KIRREL3: variants seen among roughly 807,000 people sequenced by gnomAD.
KIRREL3 encodes the protein kirre like nephrin family adhesion molecule 3.
Under a neutral mutation model 89.7 loss-of-function variants are expected in KIRREL3, and 36 were observed. The ratio of observed to expected loss-of-function variants is 0.40; its 90% CI spans 0.31 to 0.53. KIRREL3 has a LOEUF of 0.53. Ranked by LOEUF, KIRREL3 falls within the 20% of genes least tolerant of loss-of-function variation. The pLI is 0.49. For missense variants in KIRREL3, 864 were observed against 1,056.6 expected, an observed-to-expected ratio of 0.82 and a Z score of 2.53; for synonymous variants, 445 against 441.4, an observed-to-expected ratio of 1.01 and a Z score of -0.10.
intron 1 of KIRREL3, among the ~76,000 whole-genome samples, chr11:126,853,689 G>T (rs1944413260): frequency 6.6e-6 from 1 of 151,768 alleles, no homozygotes; most frequent in Non-Finnish European, 1.5e-5. Context: ...CTTTTATGGA[G>T]TTATAACAAT....
rs753835533 is a variant in KIRREL3 at position 126,611,849 on chromosome 11, A to C, written c.56-48937T>G. On this transcript the variant is annotated intron_variant, in intron 1 of 16. Transcript: ENST00000525144. This position sits in a 1 kb window ranked among gnomAD's most constrained non-coding sequence, Gnocchi z 4.7. The stretch of plus-strand genomic sequence containing the variant: ...TGGACCCATCAGGCTGGAACACCAG[A>C]TTCTTAATCAACTGTAGGTGCTACT... Among the ~76,000 whole-genome samples, 1 of 152,200 alleles carries C rather than the reference A, an allele frequency of 6.6e-6. No individual in the cohort carries two copies. The highest frequency in any genetic ancestry group is 1.5e-5 in the Non-Finnish European group (1 of 68,034).
At chr11:126,988,730 T>C (rs902282338) in intron 1 of KIRREL3, among the ~76,000 whole-genome samples, 5 of 152,108 alleles carry the variant, frequency 3.3e-5, no homozygotes, top group African/African-American at 4.8e-5. Context: ...GGTCTAAGGA[T>C]CCCTACTTTA....
In KIRREL3 at chr11:126,891,180, G is replaced by C. The variant is rs1022245868; in HGVS notation, c.55+109275C>G. Among the ~76,000 whole-genome samples the C allele has an allele frequency of 3.9e-5, 6 of 152,128 alleles. No individual in the cohort carries two copies. The highest frequency in any genetic ancestry group is 2.0e-4 in the Admixed American group (3 of 15,268). On this transcript the variant is annotated intron_variant, in intron 1 of 16. Coordinates refer to ENST00000525144, the MANE Select transcript of KIRREL3 (RefSeq NM_032531.4). The surrounding 1 kb of genome is among the most constrained non-coding windows in gnomAD (Gnocchi z 5.1). ...TACATAAGCCACAGTGGAAACATCT[G>C]AGAAGCGTCCCAAGATACTGCAAAT... is the stretch of plus-strand genomic sequence containing the variant.
intron 4 of KIRREL3, among the ~76,000 whole-genome samples, chr11:126,481,604 A>T (rs1386934905): frequency 4.6e-5 from 7 of 152,188 alleles, no homozygotes; most frequent in Non-Finnish European, 1.0e-4. Flanking sequence ...GTCTTTCTGG[A>T]TTCCACTCTC....
In KIRREL3 at chr11:126,688,638, T is replaced by A. The variant is rs186001543; in HGVS notation, c.56-125726A>T. ...GGGCCTTTATCTTAGCTGCGTCAGC[T>A]CATAATTAAACAATAAAAGGAGGAA... is the stretch of plus-strand genomic sequence containing the variant. On this transcript the variant is annotated intron_variant, in intron 1 of 16. Coordinates refer to ENST00000525144, the MANE Select transcript of KIRREL3 (RefSeq NM_032531.4). Among the ~76,000 whole-genome samples the A allele has an allele frequency of 9.2e-4, 140 of 152,332 alleles. 2 individuals are homozygous for A. Among genetic ancestry groups the A allele is most frequent in the Middle Eastern group, 6.8e-3 (2 of 294 alleles).
intron 1 of KIRREL3, among the ~76,000 whole-genome samples, chr11:126,572,408 C>G (rs866819793): frequency 6.6e-6 from 1 of 152,254 alleles, no homozygotes; most frequent in African/African-American, 2.4e-5. Context: ...GGAAGCCAAG[C>G]AATTTTCCTA....
Position 126,524,709 on chromosome 11 carries a change from A to T in KIRREL3, c.283+1829T>A, listed in dbSNP as rs186545287. Among the ~76,000 whole-genome samples, 8 of 152,328 alleles carry T rather than the reference A, an allele frequency of 5.3e-5. No individual in the cohort carries two copies. The East Asian group carries it at 1.2e-3, about 22-fold the overall frequency. Reference sequence around the variant, plus strand: ...AGATTCGGGGGGGCCACATGGGTACAGTAGGAGAGGACAGAGATGTAGCAG... The same window carrying T: ...AGATTCGGGGGGGCCACATGGGTACTGTAGGAGAGGACAGAGATGTAGCAG... On this transcript the variant is annotated intron_variant, in intron 3 of 16. Transcript: ENST00000525144.
At chr11:126,600,681 A>G (rs567082912) in intron 1 of KIRREL3, among the ~76,000 whole-genome samples, 21 of 152,352 alleles carry the variant, frequency 1.4e-4, no homozygotes, top group South Asian at 6.2e-4. Flanking sequence ...ACATAGCTGA[A>G]ATAGAGCTCC....
At position 126,802,932 on chromosome 11, in the gene KIRREL3, A is replaced by G. The variant is rs75340459; in HGVS notation, c.55+197523T>C. ...TCAAGGTTGTAGTTTCCAAGAACCT[A>G]TCAATGACATTAAGTGAGGACTTAC... On this transcript the variant is annotated intron_variant, in intron 1 of 16. Transcript: ENST00000525144. The surrounding 1 kb of genome is among the most constrained non-coding windows in gnomAD (Gnocchi z 5.2). 0.018 allele frequency among the ~76,000 whole-genome samples: 2,730 copies of G among 152,246 alleles called. 90 individuals are homozygous for G. Among genetic ancestry groups the G allele is most frequent in the African/African-American group, 0.063 (2,609 of 41,518 alleles).
Position 126,656,194 on chromosome 11 carries a change from A to G in KIRREL3, c.56-93282T>C, listed in dbSNP as rs1945128865. ...CAGGTGAGTGAGGTCAGGGAGGGCT[A>G]CAGAGTTAGGACTCCGAAGTCAGAA... On this transcript the variant is annotated intron_variant, in intron 1 of 16. Transcript: ENST00000525144. The surrounding 1 kb of genome is among the most constrained non-coding windows in gnomAD (Gnocchi z 4.0). The G allele has an allele frequency of 2.2e-6, 1 of 456,146 alleles. No individual in the cohort carries two copies. The highest frequency in any genetic ancestry group is 2.3e-5 in the Admixed American group (1 of 42,566). The allele number at this position is 456,146 out of a possible 1,614,324, so 28.3% of individuals were successfully genotyped here.
chr11:126,727,805 G>C (rs920895668), intron 1 of KIRREL3, among the ~76,000 whole-genome samples: 1 of 152,218 alleles, frequency 6.6e-6, no homozygotes, highest in Admixed American at 6.5e-5. Context: ...GACTTTCAGT[G>C]GGGGAATGAG....
At chr11:126,650,011 C>A (rs536011551) in intron 1 of KIRREL3, among the ~76,000 whole-genome samples, 2 of 152,344 alleles carry the variant, frequency 1.3e-5, no homozygotes, top group South Asian at 4.1e-4. Flanking sequence ...CTCTCAGGCT[C>A]AACACCACAT....
Position 126,872,777 on chromosome 11 carries a change from A to T in KIRREL3, c.55+127678T>A, listed in dbSNP as rs1945150389. ...ATATGAATGAGAAAGTAAATTAGAT[A>T]CTGATCAGCTCTCCATTTCCATAGT... is the stretch of plus-strand genomic sequence containing the variant. On this transcript the variant is annotated intron_variant, in intron 1 of 16. Coordinates refer to ENST00000525144, the MANE Select transcript of KIRREL3 (RefSeq NM_032531.4). This position sits in a 1 kb window ranked among gnomAD's most constrained non-coding sequence, Gnocchi z 4.2. Among the ~76,000 whole-genome samples, 1 of 152,230 alleles carries T rather than the reference A, an allele frequency of 6.6e-6. No homozygotes were observed. The highest frequency in any genetic ancestry group is 2.4e-5 in the African/African-American group (1 of 41,460).
In KIRREL3 at chr11:126,653,053, AG is replaced by A. The variant is rs71470598; in HGVS notation, c.56-90142del. 6.6e-6 allele frequency: 1 copy of A among 150,702 alleles called. No homozygotes were observed. Among genetic ancestry groups the A allele is most frequent in the Non-Finnish European group, 1.5e-5 (1 of 67,772 alleles). 9.3% of individuals were successfully genotyped at this position (150,702 alleles called of 1,614,324 possible). A position where few individuals can be genotyped will look rare whatever the true frequency, so the allele number is the denominator to read the frequency against. ...TTTTGTCGGGTTGTGGGGGTGGGGG[AG>A]GGGAAAAAGAGAGCAGGTATAATAA... On this transcript the variant is annotated intron_variant, in intron 1 of 16. Coordinates refer to ENST00000525144, the MANE Select transcript of KIRREL3 (RefSeq NM_032531.4). The surrounding 1 kb of genome is among the most constrained non-coding windows in gnomAD (Gnocchi z 5.4).
rs1949892308 is a variant in KIRREL3 at position 126,987,220 on chromosome 11, C to A, written c.55+13235G>T. ...CTACACCTAGAATTAAGGGGATACA[C>A]TGACCCACAAAGATTCCTTTTCCAT... On this transcript the variant is annotated intron_variant, in intron 1 of 16. Coordinates refer to ENST00000525144, the MANE Select transcript of KIRREL3 (RefSeq NM_032531.4). This position sits in a 1 kb window ranked among gnomAD's most constrained non-coding sequence, Gnocchi z 4.6. Among the ~76,000 whole-genome samples, 1 of 152,218 alleles carries A rather than the reference C, an allele frequency of 6.6e-6. No individual in the cohort carries two copies.
intron 1 of KIRREL3, among the ~76,000 whole-genome samples, chr11:126,841,112 C>T (rs1943949688): frequency 6.6e-6 from 1 of 152,174 alleles, no homozygotes; most frequent in Admixed American, 6.5e-5. Flanking sequence ...TAGGAAAGAA[C>T]ATAGTGTATA....
rs1383414205 is a variant in KIRREL3, at chr11:126,544,051, C to T, written c.134-17364G>A. On this transcript the variant is annotated intron_variant, in intron 2 of 16. Transcript: ENST00000525144. The surrounding 1 kb of genome is among the most constrained non-coding windows in gnomAD (Gnocchi z 5.6). ...TGTGGCCCCACTCCTGTCTGCTCCCCAGGACAACTCTATTTTCCAGCATGG... is the reference window on the plus strand; with the variant it reads ...TGTGGCCCCACTCCTGTCTGCTCCCTAGGACAACTCTATTTTCCAGCATGG... The T allele has an allele frequency of 6.6e-6, 1 of 152,374 alleles. No individual in the cohort carries two copies. Among genetic ancestry groups the T allele is most frequent in the Non-Finnish European group, 1.5e-5 (1 of 68,142 alleles). 9.4% of individuals were successfully genotyped at this position (152,374 alleles called of 1,614,324 possible).
intron 1 of KIRREL3, among the ~76,000 whole-genome samples, chr11:126,786,524 T>A (rs1421828560): frequency 2.0e-5 from 3 of 152,214 alleles, no homozygotes; most frequent in Non-Finnish European, 4.4e-5. Flanking sequence ...ATAACCTTCA[T>A]AAAAATTAAT....
intron 1 of KIRREL3, among the ~76,000 whole-genome samples, chr11:126,933,319 C>T (rs181356605): frequency 1.3e-3 from 198 of 151,910 alleles, no homozygotes; most frequent in Non-Finnish European, 2.4e-3. Context: ...GTGAGTGAGC[C>T]TAAGTTCATT....
Sources: allele counts gnomAD v4.1 joint callset (sites outside exome capture counted in the v4.1 genomes callset), GRCh38; gene constraint gnomAD v4.1.1; non-coding constraint Gnocchi (gnomAD v3.1); transcripts MANE v1.5; gene names NCBI Gene and HGNC (gene_info 2026-07-23, HGNC 2026-07-21).